Variants in EXPH5 observed in about 807,000 individuals in gnomAD.
The protein encoded by EXPH5 is exophilin-5.
EXPH5 carries 42 observed loss-of-function variants against 41.1 expected under a neutral mutation model. That is an observed-to-expected ratio of 1.02 (90% CI 0.80 to 1.32). The LOEUF is 1.32. Among genes scored for constraint, EXPH5 ranks in the 40% most tolerant of loss-of-function variants. The pLI is 0.00. For synonymous variants in EXPH5, 798 were observed against 833.5 expected, an observed-to-expected ratio of 0.96 and a Z score of 0.73; for missense variants, 2,298 against 2,314.5, an observed-to-expected ratio of 0.99 and a Z score of 0.15.
At chr11:108,592,839 C>G (rs2094130747) in intron 1 of EXPH5, among the ~76,000 whole-genome samples, 1 of 152,356 alleles carries the variant, frequency 6.6e-6, no homozygotes, top group African/African-American at 2.4e-5. Context: ...TTGACAAATT[C>G]CTCGAGCTCC....
Position 108,513,055 on chromosome 11 carries a change from T to G in EXPH5, c.2452A>C (p.Thr818Pro). The G allele has an allele frequency of 1.9e-6, 3 of 1,613,354 alleles. No individual in the cohort carries two copies. The highest frequency in any genetic ancestry group is 2.5e-6 in the Non-Finnish European group (3 of 1,179,816). ...TCTGTCCTGGGGAAAGATGGTGGTG[T>G]TCTGTGTTCCTGAATGAAAGGAAGG... ...ASLPFIQEHR[T>P]PPSFPRTDQG... Residue 818 changes from threonine to proline, a missense_variant, in exon 6 of 6, where the codon ACA becomes CCA. Thr to Pro is a conservative substitution (Grantham distance 38). Coordinates refer to ENST00000265843, the MANE Select transcript of EXPH5 (RefSeq NM_015065.3).
rs762456689 is a variant in EXPH5, at chr11:108,512,990, A to T, written c.2517T>A (p.Asp839Glu). ...GGTTATTTGTAATAATTCTTGAAAT[A>T]TCTTCATTATTTACAGTTAATTCCT... is the stretch of plus-strand genomic sequence containing the variant. Reference protein sequence around the residue: ...CHQELTVNNEDISRIITNNHW... With the variant: ...CHQELTVNNEEISRIITNNHW... Residue 839 changes from aspartate (D) to glutamate (E), a missense_variant, in exon 6 of 6, where the codon GAT becomes GAA. By Grantham distance (45) the Asp-to-Glu change is conservative. Transcript: ENST00000265843. 6.2e-7 allele frequency: 1 copy of T among 1,613,666 alleles called. No individual in the cohort carries two copies. Among genetic ancestry groups the T allele is most frequent in the Non-Finnish European group, 8.5e-7 (1 of 1,179,734 alleles).
Position 108,560,392 on chromosome 11 carries a change from C to T in EXPH5, c.120-18580G>A, listed in dbSNP as rs556878148. On this transcript the variant is annotated intron_variant, in intron 1 of 5. Transcript: ENST00000265843. ...CCAATTCCTCTCTGGCAAACAAACC[C>T]GCCTTACAAAGATGAGTGTGGCATT... is the stretch of plus-strand genomic sequence containing the variant. Among the ~76,000 whole-genome samples, 79 of 152,316 alleles carry T rather than the reference C, an allele frequency of 5.2e-4. No homozygotes were observed. The Middle Eastern group carries it at 0.01, about 20-fold the overall frequency.
intron 1 of EXPH5, among the ~76,000 whole-genome samples, chr11:108,590,636 TA>T (rs933587769): frequency 4.6e-5 from 7 of 151,434 alleles, no homozygotes; most frequent in Middle Eastern, 3.4e-3. Flanking sequence ...AGTTCTTTTT[TA>T]AAAAAAAATG....
chr11:108,571,938 C>T (rs1054263500), intron 1 of EXPH5, among the ~76,000 whole-genome samples: 1 of 151,888 alleles, frequency 6.6e-6, no homozygotes, highest in African/African-American at 2.4e-5. Flanking sequence ...GTCCCAGCTA[C>T]TCGGAGAGGC....
At chr11:108,548,040 C>T (rs113424783) in intron 1 of EXPH5, among the ~76,000 whole-genome samples, 9 of 141,690 alleles carry the variant, frequency 6.4e-5, no homozygotes, top group South Asian at 4.5e-4. Flanking sequence ...ACCCAGGAGG[C>T]GGAGGTTGCA....
At chr11:108,604,749 C>T in the EXPH5 span, among the ~76,000 whole-genome samples, 75 of 152,028 alleles carry the variant, frequency 4.9e-4, no homozygotes, top group African/African-American at 1.6e-3. Context: ...GTCCTGAGAC[C>T]CCAGGGTCAA....
chr11:108,590,638 A>T (rs1159700377), intron 1 of EXPH5, among the ~76,000 whole-genome samples: 3 of 151,986 alleles, frequency 2.0e-5, no homozygotes, highest in East Asian at 3.9e-4. Flanking sequence ...TTCTTTTTTA[A>T]AAAAAAATGA....
At chr11:108,526,396 AT>A (rs1301472522) in intron 4 of EXPH5, among the ~76,000 whole-genome samples, 1 of 152,212 alleles carries the variant, frequency 6.6e-6, no homozygotes, top group Admixed American at 6.5e-5. Flanking sequence ...CCTAGACTGG[AT>A]TTTCAAATCC....
At chr11:108,518,444 C>A in intron 4 of EXPH5, 71 bp from the exon 5 acceptor site, 1 of 1,382,074 alleles carries the variant, frequency 7.2e-7, no homozygotes, top group Non-Finnish European at 1.0e-6. Flanking sequence ...ACGCTCCCAC[C>A]AAACTGTCCC....
chr11:108,520,608 G>A (rs992745090), intron 4 of EXPH5, among the ~76,000 whole-genome samples: 3 of 151,392 alleles, frequency 2.0e-5, no homozygotes, highest in African/African-American at 7.3e-5. Flanking sequence ...TCCCTCTGTG[G>A]CCCAGGCTGG....
the EXPH5 span, among the ~76,000 whole-genome samples, chr11:108,604,060 T>A: frequency 6.6e-6 from 1 of 152,054 alleles, no homozygotes; most frequent in African/African-American, 2.4e-5. Flanking sequence ...CTGTTTCAAT[T>A]TTTTTAAGGG....
At chr11:108,587,020 C>T (rs953873084) in intron 1 of EXPH5, among the ~76,000 whole-genome samples, 9 of 152,176 alleles carry the variant, frequency 5.9e-5, no homozygotes, top group African/African-American at 1.2e-4. Flanking sequence ...CCCACGTTTA[C>T]GAAAGACCAT....
the EXPH5 span, among the ~76,000 whole-genome samples, chr11:108,599,892 C>A: frequency 2.6e-5 from 4 of 152,174 alleles, no homozygotes; most frequent in African/African-American, 4.8e-5. Context: ...GAATGCCATG[C>A]CTGCTCTCAA....
At chr11:108,538,868 T>C (rs2093895901) in intron 3 of EXPH5, among the ~76,000 whole-genome samples, 156 bp downstream of exon 3, 1 of 152,240 alleles carries the variant, frequency 6.6e-6, no homozygotes, top group Non-Finnish European at 1.5e-5. Flanking sequence ...CTAAGAACTT[T>C]GTCACTATGC....
intron 1 of EXPH5, among the ~76,000 whole-genome samples, chr11:108,551,623 C>T (rs536621870): frequency 2.9e-4 from 44 of 152,132 alleles, no homozygotes; most frequent in Non-Finnish European, 5.1e-4. Flanking sequence ...TCTTGTTACA[C>T]CTCGTTCTCC....
chr11:108,577,278 C>G (rs888782443), intron 1 of EXPH5, among the ~76,000 whole-genome samples: 3 of 152,192 alleles, frequency 2.0e-5, no homozygotes, highest in Non-Finnish European at 4.4e-5. Flanking sequence ...ATTGCTGGAT[C>G]ATATGGTAGT....
rs1035721825 is a variant in EXPH5, at chr11:108,506,100, G to A, written c.*3437C>T. ...TTATAATTTATAAGGTATTTATTAC[G>A]ATTGATTCCCCTATGATTTACTCCA... On this transcript the variant is annotated 3_prime_UTR_variant, in exon 6 of 6. Transcript: ENST00000265843. The A allele has an allele frequency of 8.5e-5, 13 of 152,086 alleles. No individual in the cohort carries two copies. The highest frequency in any genetic ancestry group is 3.4e-3 in the Middle Eastern group (1 of 292). The allele number at this position is 152,086 out of a possible 1,614,324, so 9.4% of individuals were successfully genotyped here.
At chr11:108,521,942 T>C (rs2093767538) in intron 4 of EXPH5, among the ~76,000 whole-genome samples, 1 of 152,138 alleles carries the variant, frequency 6.6e-6, no homozygotes, top group Non-Finnish European at 1.5e-5. Context: ...AAATGAAAAG[T>C]ACATGAACAG....
Sources: allele counts gnomAD v4.1 joint callset (sites outside exome capture counted in the v4.1 genomes callset), GRCh38; gene constraint gnomAD v4.1.1; transcripts MANE v1.5; gene names NCBI Gene and HGNC (gene_info 2026-07-23, HGNC 2026-07-21).